The following MEIKIN variants were observed in gnomAD, a reference collection of about 807,000 sequenced individuals.
MEIKIN encodes the protein meiosis-specific kinetochore protein.
intron 11 of MEIKIN, among the ~76,000 whole-genome samples, chr5:131,837,581 T>G (rs1426488521): frequency 6.6e-6 from 1 of 152,166 alleles, no homozygotes; most frequent in African/African-American, 2.4e-5. Flanking sequence ...ACCTCCCTAG[T>G]TAGCTGTATT....
intron 9 of MEIKIN, among the ~76,000 whole-genome samples, chr5:131,878,522 A>G (rs111235768): frequency 0.1 from 15,650 of 152,006 alleles, 1,904 homozygotes; most frequent in African/African-American, 0.3. Context: ...AGCCGAGATC[A>G]TGCCACTGCA....
At chr5:131,863,538 T>C (rs1291185181) in intron 9 of MEIKIN, among the ~76,000 whole-genome samples, 1 of 150,506 alleles carries the variant, frequency 6.6e-6, no homozygotes, top group Non-Finnish European at 1.5e-5. Context: ...TTTATCATTA[T>C]ATAATGACCT....
At chr5:131,816,806 C>T (rs958632109) in intron 12 of MEIKIN, among the ~76,000 whole-genome samples, 1 of 152,082 alleles carries the variant, frequency 6.6e-6, no homozygotes, top group African/African-American at 2.4e-5. Flanking sequence ...ACTTCATAAC[C>T]TAAGGAATAT....
At chr5:131,854,993 A>G (rs73788782) in intron 9 of MEIKIN, among the ~76,000 whole-genome samples, 159 bp from the exon 10 acceptor site, 4,066 of 152,306 alleles carry the variant, frequency 0.027, 189 homozygotes, top group African/African-American at 0.092. Context: ...TTCACAGGAA[A>G]CTAAAGAATT....
At chr5:131,839,381 T>C (rs1317140426) in intron 11 of MEIKIN, among the ~76,000 whole-genome samples, 1 of 152,134 alleles carries the variant, frequency 6.6e-6, no homozygotes, top group Non-Finnish European at 1.5e-5. Flanking sequence ...TTTGATCCAG[T>C]GCTGATTTCA....
intron 3 of MEIKIN, among the ~76,000 whole-genome samples, chr5:131,943,082 T>C (rs944613700): frequency 2.0e-5 from 3 of 151,856 alleles, no homozygotes; most frequent in Non-Finnish European, 4.4e-5. Context: ...AGAAATAAAA[T>C]TAAAGGCAAG....
chr5:131,937,749 G>A (rs1554108646), intron 4 of MEIKIN, among the ~76,000 whole-genome samples: 1 of 151,968 alleles, frequency 6.6e-6, no homozygotes. Flanking sequence ...GAAGTCCAAT[G>A]CCATTGATAT....
chr5:131,856,889 T>C (rs1178327070), intron 9 of MEIKIN, among the ~76,000 whole-genome samples: 1 of 151,620 alleles, frequency 6.6e-6, no homozygotes, highest in African/African-American at 2.4e-5. Flanking sequence ...ATGCAGGTTT[T>C]GGGGACTGAG....
chr5:131,873,198 A>G (rs1750539806), intron 9 of MEIKIN, among the ~76,000 whole-genome samples: 1 of 152,346 alleles, frequency 6.6e-6, no homozygotes, highest in African/African-American at 2.4e-5. Flanking sequence ...AAAGACACAG[A>G]CTGACAAATT....
chr5:131,930,957 C>T (rs117133536), intron 5 of MEIKIN, among the ~76,000 whole-genome samples: 1 of 152,290 alleles, frequency 6.6e-6, no homozygotes, highest in East Asian at 1.9e-4. Flanking sequence ...TGTATATCTC[C>T]ATTTCATTGG....
intron 8 of MEIKIN, among the ~76,000 whole-genome samples, chr5:131,905,822 T>C (rs1354185203): frequency 6.6e-6 from 1 of 152,162 alleles, no homozygotes; most frequent in Admixed American, 6.5e-5. Flanking sequence ...TGGCCAGCCA[T>C]ATGCAGAAGA....
chr5:131,888,715 T>C (rs1156620843), intron 8 of MEIKIN, among the ~76,000 whole-genome samples: 9 of 152,250 alleles, frequency 5.9e-5, no homozygotes, highest in Non-Finnish European at 1.5e-5. Context: ...TTTAGTTTAA[T>C]TAGATCCCAT....
intron 11 of MEIKIN, among the ~76,000 whole-genome samples, chr5:131,840,362 A>T (rs546961179): frequency 7.2e-5 from 11 of 152,308 alleles, no homozygotes; most frequent in African/African-American, 2.6e-4. Flanking sequence ...CTTGTGAAGT[A>T]TCTTAGTAAG....
At chr5:131,893,864 T>C (rs1750984377) in intron 8 of MEIKIN, among the ~76,000 whole-genome samples, 1 of 152,224 alleles carries the variant, frequency 6.6e-6, no homozygotes, top group Non-Finnish European at 1.5e-5. Flanking sequence ...TTCACTCTGA[T>C]TGTAGTTTAT....
At chr5:131,898,226 C>T (rs928535021) in intron 8 of MEIKIN, among the ~76,000 whole-genome samples, 5 of 152,216 alleles carry the variant, frequency 3.3e-5, no homozygotes, top group Non-Finnish European at 7.3e-5. Context: ...CTGGGTATCA[C>T]CAGCAGATGC....
At chr5:131,822,598 T>C (rs1198283134) in intron 11 of MEIKIN, among the ~76,000 whole-genome samples, 3 of 152,242 alleles carry the variant, frequency 2.0e-5, no homozygotes, top group Non-Finnish European at 4.4e-5. Context: ...CTCTTGCTTT[T>C]TAACTTTTTG....
Position 131,818,755 on chromosome 5 carries a change from T to C in MEIKIN, c.1084A>G (p.Lys362Glu), listed in dbSNP as rs1773147055. ...ACTACAGTACCTTGAGGGGTATCCT[T>C]AGGAAGAGAATATTTCTTCTTCTTT... ...IVKKKKYSLP[K>E]DTPQDIIIKM... The change falls in exon 12 of 13, where the codon AAG (lysine) becomes GAG (glutamate). Residue 362 changes from lysine to glutamate, a missense_variant. Lys to Glu is a moderately conservative substitution (Grantham distance 56). Coordinates refer to ENST00000442687, the MANE Select transcript of MEIKIN (RefSeq NM_001303622.2). The C allele has an allele frequency of 7.5e-6, 3 of 398,136 alleles. No homozygotes were observed. Among genetic ancestry groups the C allele is most frequent in the Non-Finnish European group, 8.9e-6 (2 of 225,778 alleles). The allele number at this position is 398,136 out of a possible 1,614,324, so 24.7% of individuals were successfully genotyped here. A position where few individuals can be genotyped will look rare whatever the true frequency, so the allele number is the denominator to read the frequency against.
intron 8 of MEIKIN, among the ~76,000 whole-genome samples, chr5:131,880,832 A>T (rs1204465933): frequency 6.6e-6 from 1 of 152,236 alleles, no homozygotes. Flanking sequence ...AAAATACACT[A>T]TGCCCAGTTA....
In MEIKIN at chr5:131,819,765, A is replaced by ATTTTTTTTTTTT. The variant is rs1167213249; in HGVS notation, c.976-914_976-903dup. Among the ~76,000 whole-genome samples the ATTTTTTTTTTTT allele has an allele frequency of 6.2e-5, 4 of 64,574 alleles. 1 individual carries two copies. The highest frequency in any genetic ancestry group is 3.1e-4 in the African/African-American group (4 of 12,792). 42.4% of individuals were successfully genotyped at this position (64,574 alleles called of 152,430 possible). ...TAGGCATGCACCACTACATCCAGCT[A>ATTTTTTTTTTTT]TTTTTTTTTTTTTTTTTTTTTTTTT... On this transcript the variant is annotated intron_variant, in intron 11 of 12. Coordinates refer to ENST00000442687, the MANE Select transcript of MEIKIN (RefSeq NM_001303622.2).
Sources: gnomAD v4.1 joint callset for allele counts (sites outside exome capture counted in the v4.1 genomes callset) on GRCh38, gnomAD v4.1.1 for gene constraint, MANE v1.5 for transcripts, NCBI Gene and HGNC (gene_info 2026-07-23, HGNC 2026-07-21) for gene names.